ACER3: variants seen among roughly 807,000 people sequenced by gnomAD.
ACER3 encodes alkaline ceramidase 3, also known as alkCDase 3.
A neutral mutation model predicts 48.9 loss-of-function variants in ACER3; 16 were observed. The ratio of observed to expected loss-of-function variants is 0.33; its 90% CI spans 0.22 to 0.50. The LOEUF is 0.50. ACER3 is among the 20% of genes least tolerant of loss of function. The probability of loss-of-function intolerance (pLI) is 0.98; values close to 1 mark genes in which losing one functional copy is unlikely to be tolerated. For missense variants in ACER3, 227 were observed against 326.0 expected (o/e 0.70, Z 2.34); for synonymous variants, 109 against 107.8 (o/e 1.01, Z -0.07).
At chr11:77,011,882 C>T (rs186099931) in intron 7 of ACER3, among the ~76,000 whole-genome samples, 4 of 152,130 alleles carry the variant, frequency 2.6e-5, no homozygotes, top group African/African-American at 4.8e-5. Flanking sequence ...TATTTATGTT[C>T]TAAAACAAAA....
chr11:76,968,455 A>G (rs1948199602), intron 3 of ACER3, among the ~76,000 whole-genome samples: 1 of 152,224 alleles, frequency 6.6e-6, no homozygotes, highest in Admixed American at 6.5e-5. Context: ...TAAAGTCCAC[A>G]TGGAACCAAA....
intron 9 of ACER3, among the ~76,000 whole-genome samples, chr11:77,018,051 G>A (rs1949404899): frequency 7.0e-6 from 1 of 142,982 alleles, no homozygotes; most frequent in South Asian, 2.2e-4. Context: ...TGATTCTCCT[G>A]CCTCAGCCTC....
At position 77,023,483 on chromosome 11, in the gene ACER3, GAGTCC is replaced by G; in HGVS notation, c.*3157_*3161del. ...ATCTAACAATTTAAGGTTATCTTATGAGTCCTATGAAAACAATTATTTGTTGCTAA... is the reference window on the plus strand; with the variant it reads ...ATCTAACAATTTAAGGTTATCTTATGTATGAAAACAATTATTTGTTGCTAA... On this transcript the variant is annotated 3_prime_UTR_variant, in exon 11 of 11. Coordinates refer to ENST00000532485, the MANE Select transcript of ACER3 (RefSeq NM_018367.7). 3.4e-6 allele frequency: 1 copy of G among 295,582 alleles called. No individual in the cohort carries two copies. Among genetic ancestry groups the G allele is most frequent in the East Asian group, 5.1e-5 (1 of 19,596 alleles). The allele number at this position is 295,582 out of a possible 1,614,324, so 18.3% of individuals were successfully genotyped here.
intron 6 of ACER3, among the ~76,000 whole-genome samples, chr11:76,992,149 T>C (rs1381330014): frequency 6.7e-6 from 1 of 149,600 alleles, no homozygotes; most frequent in African/African-American, 2.6e-5. Context: ...GAGGATCCCT[T>C]GAGCCCAGGA....
chr11:76,972,017 TGGTTTCTAG>T (rs1292179669), intron 3 of ACER3, among the ~76,000 whole-genome samples: 1 of 152,238 alleles, frequency 6.6e-6, no homozygotes, highest in Non-Finnish European at 1.5e-5. Flanking sequence ...AGCTATTCTT[TGGTTTCTAG>T]TCCCTCTGAA....
chr11:76,927,507 C>T (rs183021101), intron 2 of ACER3, among the ~76,000 whole-genome samples: 28 of 152,094 alleles, frequency 1.8e-4, no homozygotes, highest in African/African-American at 5.5e-4. Context: ...ACGTGCACAA[C>T]GTGCAGGTTT....
At chr11:76,900,053 G>A (rs558290926) in intron 1 of ACER3, among the ~76,000 whole-genome samples, 3 of 152,340 alleles carry the variant, frequency 2.0e-5, no homozygotes, top group African/African-American at 7.2e-5. Context: ...TCAGGGCCAG[G>A]TGCAGTAGCT....
At chr11:76,926,500 C>G in intron 1 of ACER3, 57 bp from the exon 2 acceptor site, 1 of 1,022,466 alleles carries the variant, frequency 9.8e-7, no homozygotes, top group East Asian at 2.6e-5. Context: ...GTGAATGTAT[C>G]TTTATTTAAA....
At chr11:76,958,703 G>A (rs1334941627) in intron 2 of ACER3, 1 of 440,354 alleles carries the variant, frequency 2.3e-6, no homozygotes, top group African/African-American at 2.0e-5. Context: ...CTTATCCTGA[G>A]CATCAGATAA....
Position 76,942,141 on chromosome 11 carries a change from A to G in ACER3, c.214+15474A>G, listed in dbSNP as rs141262988. Among the ~76,000 whole-genome samples the G allele has an allele frequency of 2.6e-3, 400 of 152,008 alleles. 2 individuals are homozygous for G. The highest frequency in any genetic ancestry group is 9.2e-3 in the African/African-American group (380 of 41,468). On this transcript the variant is annotated intron_variant, in intron 2 of 10. Coordinates refer to ENST00000532485, the MANE Select transcript of ACER3 (RefSeq NM_018367.7). ...GGGCTACTTTGACTTCTTCTTTTCC[A>G]ATTTGGATGTCTTTTATTTTTTTCT...
chr11:76,977,901 C>T (rs1948485389), intron 4 of ACER3, among the ~76,000 whole-genome samples: 1 of 152,254 alleles, frequency 6.6e-6, no homozygotes, highest in Non-Finnish European at 1.5e-5. Flanking sequence ...CCGCTCCCAG[C>T]TCCCACTCCA....
intron 1 of ACER3, among the ~76,000 whole-genome samples, chr11:76,910,575 C>T (rs151162819): frequency 1.1e-3 from 174 of 151,992 alleles, no homozygotes; most frequent in Non-Finnish European, 1.5e-3. Context: ...AAAATTAAGG[C>T]GCAAGGTGGT....
rs1949496567 is a variant in ACER3 at position 77,022,989 on chromosome 11, G to A, written c.*2662G>A. The A allele has an allele frequency of 5.1e-6, 2 of 395,838 alleles. No individual in the cohort carries two copies. The highest frequency in any genetic ancestry group is 4.4e-6 in the Non-Finnish European group (1 of 224,860). The allele number at this position is 395,838 out of a possible 1,614,324, so 24.5% of individuals were successfully genotyped here. The stretch of plus-strand genomic sequence containing the variant: ...CCATTTTCACTCTTGAAAACTGAAA[G>A]CAATTTGACTTTTATTTTTGTTTTT... On this transcript the variant is annotated 3_prime_UTR_variant, in exon 11 of 11. Transcript: ENST00000532485.
intron 6 of ACER3, among the ~76,000 whole-genome samples, chr11:76,991,293 CA>C (rs1217936649): frequency 1.3e-5 from 2 of 152,156 alleles, no homozygotes; most frequent in Admixed American, 6.5e-5. Flanking sequence ...AACAAACTAG[CA>C]AACAAAAATG....
chr11:76,889,608 C>A (rs1207985702), intron 1 of ACER3, among the ~76,000 whole-genome samples: 2 of 152,150 alleles, frequency 1.3e-5, no homozygotes, highest in Non-Finnish European at 2.9e-5. Flanking sequence ...TTGACTCCCT[C>A]TCTAATGGCC....
intron 4 of ACER3, among the ~76,000 whole-genome samples, chr11:76,978,920 G>GC (rs1312314037): frequency 2.6e-5 from 4 of 152,240 alleles, no homozygotes; most frequent in Non-Finnish European, 5.9e-5. Context: ...TTCTGGAGCT[G>GC]CCTGCCCTGC....
chr11:77,010,357 T>A (rs1194761670), intron 7 of ACER3, among the ~76,000 whole-genome samples: 1 of 147,350 alleles, frequency 6.8e-6, no homozygotes, highest in South Asian at 2.1e-4. Flanking sequence ...CTAATTTTTT[T>A]AAAAATTATA....
At chr11:76,954,022 A>T (rs1321196774) in intron 2 of ACER3, among the ~76,000 whole-genome samples, 1 of 148,130 alleles carries the variant, frequency 6.8e-6, no homozygotes. Flanking sequence ...ATCTTGGCTT[A>T]CCACAACCTC....
At position 77,021,710 on chromosome 11, in the gene ACER3, T is replaced by C. The variant is rs1413497226; in HGVS notation, c.*1383T>C. 2 of 152,216 alleles carry C rather than the reference T, an allele frequency of 1.3e-5. No homozygotes were observed. Among genetic ancestry groups the C allele is most frequent in the Non-Finnish European group, 2.9e-5 (2 of 68,036 alleles). 9.4% of individuals were successfully genotyped at this position (152,216 alleles called of 1,614,324 possible). ...CAAAAGGAAAATCATTTTTTTCTTATGCAAAGATGGTAAAACACTGTTGTC... is the reference window on the plus strand; with the variant it reads ...CAAAAGGAAAATCATTTTTTTCTTACGCAAAGATGGTAAAACACTGTTGTC... On this transcript the variant is annotated 3_prime_UTR_variant, in exon 11 of 11. Transcript: ENST00000532485.
Sources: allele counts gnomAD v4.1 joint callset (sites outside exome capture counted in the v4.1 genomes callset), GRCh38; gene constraint gnomAD v4.1.1; transcripts MANE v1.5; gene names NCBI Gene and HGNC (gene_info 2026-07-23, HGNC 2026-07-21).